KCNH3: variants seen among roughly 807,000 people sequenced by gnomAD.
KCNH3 encodes potassium voltage-gated channel subfamily H member 3.
In KCNH3, 36 loss-of-function variants were observed where a neutral mutation model predicts 95.6. The observed-to-expected ratio is 0.38, with a 90% confidence interval of 0.29 to 0.50. The LOEUF (loss-of-function observed/expected upper bound fraction) is 0.50. KCNH3 is among the 20% of genes least tolerant of loss of function. The pLI is 0.95. For synonymous variants in KCNH3, 620 were observed against 646.3 expected (o/e 0.96, Z 0.62); for missense variants, 1,030 against 1,484.1 (o/e 0.69, Z 5.03).
intron 12 of KCNH3, 173 bp downstream of exon 12, chr12:49,556,124 C>G: frequency 1.7e-6 from 1 of 594,994 alleles, no homozygotes; most frequent in Non-Finnish European, 3.0e-6. Flanking sequence ...CCTGCTGTCC[C>G]ACTCCACTGT....
rs553400667 is a variant in KCNH3 at position 49,548,969 on chromosome 12, A to G, written c.1264A>G (p.Ser422Gly). The change falls in exon 8 of 15, where the codon AGC becomes GGC. Residue 422 changes from serine to glycine, a missense_variant. By Grantham distance (56) the Ser-to-Gly change is moderately conservative. Transcript: ENST00000257981. ...LVGRRPAGGN[S>G]SGQSDNCSSS... ...GGGCCGGAGGCCAGCTGGAGGGAAC[A>G]GCTCCGGCCAGAGTGACAACTGCAG... The G allele has an allele frequency of 4.0e-5, 64 of 1,609,742 alleles. No individual in the cohort carries two copies. The highest frequency in any genetic ancestry group is 1.7e-4 in the Admixed American group (10 of 59,836).
chr12:49,544,125 G>A (rs574719379), intron 6 of KCNH3, 50 bp from the exon 7 acceptor site: 45 of 1,604,510 alleles, frequency 2.8e-5, no homozygotes, highest in Admixed American at 1.2e-4. Context: ...GGACAGGCAG[G>A]GCCGGCCCGC....
intron 3 of KCNH3, 65 bp downstream of exon 3, chr12:49,541,829 C>A (rs915825707): frequency 7.6e-6 from 12 of 1,581,726 alleles, no homozygotes; most frequent in Admixed American, 3.6e-5. Context: ...GGCCTTGGCA[C>A]CCAGTCTGAG....
chr12:49,543,581 AGTCCACGT>A, intron 5 of KCNH3, 63 bp downstream of exon 5: 8 of 1,559,108 alleles, frequency 5.1e-6, no homozygotes, highest in Non-Finnish European at 6.9e-6. Flanking sequence ...TGCTGGGGAT[AGTCCACGT>A]GGCTTCCAGG....
chr12:49,550,043 T>TGGCCCGCC, intron 9 of KCNH3, 37 bp from the exon 10 acceptor site: 1 of 1,299,542 alleles, frequency 7.7e-7, no homozygotes, highest in Non-Finnish European at 1.1e-6. Flanking sequence ...CTTCTGCCAC[T>TGGCCCGCC]CCCAACCCCC....
At chr12:49,556,786 T>C (rs1368656946) in intron 13 of KCNH3, 2 of 654,804 alleles carry the variant, frequency 3.1e-6, no homozygotes, top group Admixed American at 2.1e-5. Context: ...CGTTATATAA[T>C]GTAACTGAAA....
rs142595910 is a variant in KCNH3 at position 49,544,289 on chromosome 12, G to A, written c.1096G>A (p.Val366Met). Residue 366 changes from valine to methionine, a missense_variant, in exon 7 of 15, where the codon GTG becomes ATG. Coordinates refer to ENST00000257981, the MANE Select transcript of KCNH3 (RefSeq NM_012284.3). ...SAVVLTLLMAVFALLAHWVAC... is the reference protein window; with the variant it reads ...SAVVLTLLMAMFALLAHWVAC... The stretch of plus-strand genomic sequence containing the variant: ...CGTGGTGCTGACACTGCTCATGGCC[G>A]TGTTCGCCCTGCTCGCGCACTGGGT... The A allele has an allele frequency of 7.4e-6, 12 of 1,611,868 alleles. No homozygotes were observed. The highest frequency in any genetic ancestry group is 1.6e-4 in the Middle Eastern group (1 of 6,072).
chr12:49,552,749 T>C (rs1170829852), intron 10 of KCNH3, among the ~76,000 whole-genome samples: 1 of 152,192 alleles, frequency 6.6e-6, no homozygotes, highest in Non-Finnish European at 1.5e-5. Flanking sequence ...GTTTCTCATT[T>C]TCTCCCACCT....
rs561840920 is a variant in KCNH3 at position 49,551,391 on chromosome 12, C to T, written c.1918+1062C>T. ...AGGAGTTCAAGACCAGCCTGGCCAA[C>T]GTGGTGAAATCCTGTATCTACTAAA... On this transcript the variant is annotated intron_variant, in intron 10 of 14. Coordinates refer to ENST00000257981, the MANE Select transcript of KCNH3 (RefSeq NM_012284.3). 8.5e-5 allele frequency among the ~76,000 whole-genome samples: 13 copies of T among 152,108 alleles called. No individual in the cohort carries two copies. In the South Asian group the frequency reaches 2.3e-3, roughly 27 times the overall value.
At chr12:49,553,268 T>C (rs1021758725) in intron 10 of KCNH3, among the ~76,000 whole-genome samples, 1 of 152,092 alleles carries the variant, frequency 6.6e-6, no homozygotes, top group Non-Finnish European at 1.5e-5. Flanking sequence ...CCAGAATAGC[T>C]GAGATTGCAG....
intron 10 of KCNH3, among the ~76,000 whole-genome samples, chr12:49,551,743 C>T (rs7311900): frequency 1.3e-5 from 2 of 152,112 alleles, no homozygotes. Context: ...CTGACGACAT[C>T]GAATCCTCAG....
At chr12:49,542,523 C>T (rs574803045) in intron 3 of KCNH3, among the ~76,000 whole-genome samples, 183 bp from the exon 4 acceptor site, 38 of 152,354 alleles carry the variant, frequency 2.5e-4, no homozygotes, top group Admixed American at 5.2e-4. Context: ...TAGGACTGCC[C>T]ATTGCTGGGC....
intron 10 of KCNH3, 150 bp downstream of exon 10, chr12:49,550,479 A>G: frequency 2.0e-6 from 2 of 978,956 alleles, no homozygotes; most frequent in Non-Finnish European, 2.9e-6. Flanking sequence ...GTCCTGGTCA[A>G]AGCTCAGAGA....
intron 6 of KCNH3, 27 bp from the exon 7 acceptor site, chr12:49,544,148 C>CAG: frequency 1.9e-6 from 3 of 1,545,486 alleles, no homozygotes; most frequent in Non-Finnish European, 2.7e-6. Context: ...ACCTCCCTCC[C>CAG]TCCCTCCCTC....
intron 11 of KCNH3, among the ~76,000 whole-genome samples, chr12:49,555,384 T>G (rs55853522): frequency 0.21 from 30,279 of 146,782 alleles, 4,866 homozygotes; most frequent in African/African-American, 0.46. Flanking sequence ...GAGGTGGAGC[T>G]TGCAGCGAGC....
In KCNH3 at chr12:49,558,125, G is replaced by A; in HGVS notation, c.*172G>A. On this transcript the variant is annotated 3_prime_UTR_variant, in exon 15 of 15. Transcript: ENST00000257981. ...TGGCTCCTGACTCTCAGAGAGGATA[G>A]GCTGGATCCCTGGGGCAGGCCTCTC... The A allele has an allele frequency of 4.6e-6, 3 of 659,294 alleles. No homozygotes were observed. The highest frequency in any genetic ancestry group is 6.7e-6 in the Non-Finnish European group (3 of 450,708). 40.8% of individuals were successfully genotyped at this position (659,294 alleles called of 1,614,324 possible).
intron 2 of KCNH3, 73 bp downstream of exon 2, chr12:49,541,205 C>A: frequency 9.1e-7 from 1 of 1,098,764 alleles, no homozygotes; most frequent in Non-Finnish European, 1.3e-6. Flanking sequence ...CATCCACTGT[C>A]CCTCCTCCTT....
Position 49,541,056 on chromosome 12 carries a change from C to T in KCNH3, c.234C>T (p.Leu78=). The change falls in exon 2 of 15, where the codon CTC becomes CTT. Residue 78 remains leucine (L), a synonymous_variant. Transcript: ENST00000257981. The part of the protein sequence containing the change: ...SFLYGPDTSE[L]VRQQIRKALD... The stretch of plus-strand genomic sequence containing the variant: ...TTTATGGGCCAGACACCAGTGAGCT[C>T]GTCCGCCAACAGATCCGCAAGGCCC... 1 of 1,613,278 alleles carries T rather than the reference C, an allele frequency of 6.2e-7. No homozygotes were observed. The highest frequency in any genetic ancestry group is 8.5e-7 in the Non-Finnish European group (1 of 1,180,038).
Position 49,557,952 on chromosome 12 carries a change from G to A in KCNH3, c.3251G>A (p.Ter1084=), listed in dbSNP as rs751574333. The A allele has an allele frequency of 1.5e-5, 22 of 1,502,400 alleles. No homozygotes were observed. The highest frequency in any genetic ancestry group is 8.3e-5 in the South Asian group (6 of 72,264). 93.1% of individuals were successfully genotyped at this position (1,502,400 alleles called of 1,614,324 possible). Residue 1084 remains the stop codon, a stop_retained_variant, in exon 15 of 15, where the codon TGA becomes TAA. Transcript: ENST00000257981. ...QWTQEEGTGV[*] ...ACCCAGGAAGAAGGCACAGGGGTCTGAGTACCAGCCCTAGAACTCAGCGTT... is the reference window on the plus strand; with the variant it reads ...ACCCAGGAAGAAGGCACAGGGGTCTAAGTACCAGCCCTAGAACTCAGCGTT...
Sources: gnomAD v4.1 joint callset for allele counts (sites outside exome capture counted in the v4.1 genomes callset) on GRCh38, gnomAD v4.1.1 for gene constraint, MANE v1.5 for transcripts, NCBI Gene and HGNC (gene_info 2026-07-23, HGNC 2026-07-21) for gene names.